Variants in GHR observed in about 807,000 individuals in gnomAD.
GHR encodes GH receptor.
A neutral mutation model predicts 67.1 loss-of-function variants in GHR; 35 were observed. The observed-to-expected ratio is 0.52, with a 90% CI of 0.40 to 0.69. The LOEUF is 0.69. Among genes scored for constraint, GHR ranks in the 30% least tolerant of loss-of-function variants. The pLI is 0.00. For missense variants in GHR, 792 were observed against 764.6 expected (o/e 1.04, Z -0.42); for synonymous variants, 272 against 269.1 (o/e 1.01, Z -0.10).
intron 2 of GHR, among the ~76,000 whole-genome samples, chr5:42,592,101 C>G (rs1372214439): frequency 6.6e-6 from 1 of 152,084 alleles, no homozygotes; most frequent in Non-Finnish European, 1.5e-5. Context: ...TTCAAAGGGT[C>G]TGTGGATTCT....
intron 1 of GHR, among the ~76,000 whole-genome samples, chr5:42,445,418 G>A (rs1005000826): frequency 6.6e-6 from 1 of 152,294 alleles, no homozygotes; most frequent in East Asian, 1.9e-4. Context: ...TAAAGCATTA[G>A]TAGTGATGTT....
intron 2 of GHR, among the ~76,000 whole-genome samples, chr5:42,584,786 TACACACACACACAC>T (rs35457239): frequency 1.4e-5 from 2 of 148,062 alleles, no homozygotes; most frequent in Non-Finnish European, 3.0e-5. Flanking sequence ...CTAGAATGTA[TACACACACACACAC>T]ACACACACAC....
intron 1 of GHR, among the ~76,000 whole-genome samples, chr5:42,497,676 A>G (rs532196895): frequency 6.6e-6 from 1 of 152,332 alleles, no homozygotes; most frequent in South Asian, 2.1e-4. Flanking sequence ...AATATTTACT[A>G]TCTGACTCTT....
intron 1 of GHR, among the ~76,000 whole-genome samples, chr5:42,524,680 G>T (rs193245054): frequency 6.6e-6 from 1 of 152,292 alleles, no homozygotes; most frequent in East Asian, 1.9e-4. Context: ...GACCTTCATG[G>T]CAGACCTCCC....
rs576090739 is a variant in GHR at position 42,598,955 on chromosome 5, T to C, written c.71-30083T>C. ...AAGATGCAAATATGAATATAAAATATGAAAAGCATCTATAGGCTGGAGCTT... is the reference window on the plus strand; with the variant it reads ...AAGATGCAAATATGAATATAAAATACGAAAAGCATCTATAGGCTGGAGCTT... On this transcript the variant is annotated intron_variant, in intron 2 of 9. Transcript: ENST00000230882. Among the ~76,000 whole-genome samples the C allele has an allele frequency of 9.4e-4, 143 of 152,332 alleles. 1 individual carries two copies. Among genetic ancestry groups the C allele is most frequent in the Middle Eastern group, 3.4e-3 (1 of 294 alleles).
At chr5:42,461,792 G>A (rs1219319624) in intron 1 of GHR, among the ~76,000 whole-genome samples, 5 of 152,202 alleles carry the variant, frequency 3.3e-5, no homozygotes, top group Non-Finnish European at 5.9e-5. Context: ...AAAGTCCACT[G>A]CATGAAGATT....
intron 3 of GHR, among the ~76,000 whole-genome samples, chr5:42,683,876 C>A (rs985838771): frequency 6.6e-6 from 1 of 152,026 alleles, no homozygotes; most frequent in African/African-American, 2.4e-5. Context: ...ACTTTCTATG[C>A]ATCTGGAGTT....
At chr5:42,444,192 T>C (rs1170615879) in intron 1 of GHR, among the ~76,000 whole-genome samples, 1 of 152,166 alleles carries the variant, frequency 6.6e-6, no homozygotes, top group Non-Finnish European at 1.5e-5. Flanking sequence ...ACTACAAGTT[T>C]GGTTTTCTTT....
intron 6 of GHR, among the ~76,000 whole-genome samples, chr5:42,708,575 T>C (rs1270528771): frequency 2.0e-5 from 3 of 152,180 alleles, no homozygotes; most frequent in Non-Finnish European, 2.9e-5. Context: ...ACCAAACTCT[T>C]TAAGATTCTC....
intron 1 of GHR, among the ~76,000 whole-genome samples, chr5:42,517,022 T>C (rs1190326485): frequency 1.3e-5 from 2 of 152,242 alleles, no homozygotes; most frequent in African/African-American, 4.8e-5. Flanking sequence ...TCTTTTTCAG[T>C]CTGCCTGCCC....
At chr5:42,695,672 A>G (rs550027578) in intron 5 of GHR, among the ~76,000 whole-genome samples, 1 of 152,348 alleles carries the variant, frequency 6.6e-6, no homozygotes, top group African/African-American at 2.4e-5. Context: ...TCCTTTGCCC[A>G]TCATATGGAC....
chr5:42,482,956 C>A (rs1024057709), intron 1 of GHR, among the ~76,000 whole-genome samples: 1 of 152,200 alleles, frequency 6.6e-6, no homozygotes, highest in African/African-American at 2.4e-5. Flanking sequence ...GCAGAAATCA[C>A]CCGTCTTCTG....
At chr5:42,536,889 G>A (rs950827195) in intron 1 of GHR, among the ~76,000 whole-genome samples, 1 of 152,008 alleles carries the variant, frequency 6.6e-6, no homozygotes, top group African/African-American at 2.4e-5. Flanking sequence ...TTTAAGCTAG[G>A]AGAGTTGTAT....
At chr5:42,614,442 A>G (rs1399450450) in intron 2 of GHR, among the ~76,000 whole-genome samples, 4 of 151,660 alleles carry the variant, frequency 2.6e-5, no homozygotes, top group African/African-American at 9.7e-5. Context: ...TCTGATTCTG[A>G]AGGTCAGAGG....
At chr5:42,601,997 A>G (rs939237098) in intron 2 of GHR, among the ~76,000 whole-genome samples, 4 of 152,190 alleles carry the variant, frequency 2.6e-5, no homozygotes, top group Non-Finnish European at 5.9e-5. Flanking sequence ...ATTAACAGTT[A>G]ACCAATTTCT....
At chr5:42,680,846 T>C (rs2111586004) in intron 3 of GHR, among the ~76,000 whole-genome samples, 1 of 49,300 alleles carries the variant, frequency 2.0e-5, no homozygotes, top group African/African-American at 7.0e-5. Flanking sequence ...GTCTTTCTAT[T>C]ATTATTATTT....
At chr5:42,529,013 CT>C (rs60879144) in intron 1 of GHR, among the ~76,000 whole-genome samples, 39,501 of 143,276 alleles carry the variant, frequency 0.28, 5,012 homozygotes, top group African/African-American at 0.32. Flanking sequence ...ATACACGTAA[CT>C]TTTTTTTTTT....
intron 1 of GHR, among the ~76,000 whole-genome samples, chr5:42,485,434 A>G (rs1745835230): frequency 6.6e-6 from 1 of 152,138 alleles, no homozygotes; most frequent in Admixed American, 6.5e-5. Flanking sequence ...TTATTTATGT[A>G]CTTACTTGTT....
chr5:42,707,785 T>C (rs1758250707), intron 6 of GHR, among the ~76,000 whole-genome samples: 2 of 151,992 alleles, frequency 1.3e-5, no homozygotes, highest in Non-Finnish European at 2.9e-5. Flanking sequence ...TTACTCCACA[T>C]ACTCCACACA....
Sources: gnomAD v4.1 joint callset for allele counts (sites outside exome capture counted in the v4.1 genomes callset) on GRCh38, gnomAD v4.1.1 for gene constraint, MANE v1.5 for transcripts, NCBI Gene and HGNC (gene_info 2026-07-23, HGNC 2026-07-21) for gene names.